Variants in IQGAP2 observed in about 807,000 individuals in gnomAD.
IQGAP2 encodes the protein ras GTPase-activating-like protein IQGAP2.
A neutral mutation model predicts 201.3 loss-of-function variants in IQGAP2; 173 were observed. That is an observed-to-expected ratio of 0.86 (90% CI 0.76 to 0.98). The LOEUF is 0.98. Ranked by LOEUF, IQGAP2 falls within the 50% of genes least tolerant of loss-of-function variation. The pLI is 0.00. For missense variants in IQGAP2, 1,687 were observed against 1,864.8 expected (o/e 0.90, Z 1.76); for synonymous variants, 675 against 673.9 (o/e 1.00, Z -0.03).
At chr5:76,597,684 A>T in intron 10 of IQGAP2, 82 bp downstream of exon 10, 6 of 1,436,950 alleles carry the variant, frequency 4.2e-6, no homozygotes, top group Non-Finnish European at 5.8e-6. Flanking sequence ...AGGAAAGGGG[A>T]ATAGGGATCG....
At chr5:76,488,945 A>G (rs1027997670) in intron 2 of IQGAP2, among the ~76,000 whole-genome samples, 2 of 152,216 alleles carry the variant, frequency 1.3e-5, no homozygotes, top group Non-Finnish European at 2.9e-5. Context: ...CCCCCACAGC[A>G]GTCCTGTGAT....
chr5:76,580,463 CA>C (rs1745771026), intron 5 of IQGAP2, among the ~76,000 whole-genome samples: 1 of 152,066 alleles, frequency 6.6e-6, no homozygotes, highest in Non-Finnish European at 1.5e-5. Flanking sequence ...ACAAAACAAA[CA>C]AACAAAAAAC....
intron 2 of IQGAP2, among the ~76,000 whole-genome samples, chr5:76,543,771 G>A (rs2150223301): frequency 6.6e-6 from 1 of 152,098 alleles, no homozygotes; most frequent in East Asian, 1.9e-4. Context: ...CCTCCTAAAA[G>A]CTCCACTTGT....
intron 2 of IQGAP2, among the ~76,000 whole-genome samples, chr5:76,532,899 C>T (rs1314159555): frequency 6.6e-6 from 1 of 152,198 alleles, no homozygotes; most frequent in Non-Finnish European, 1.5e-5. Context: ...TGTTCCAGGT[C>T]CCCAGAGAAG....
chr5:76,439,171 T>A (rs2150102178), intron 1 of IQGAP2, among the ~76,000 whole-genome samples: 1 of 152,358 alleles, frequency 6.6e-6, no homozygotes, highest in East Asian at 1.9e-4. Flanking sequence ...TGAAGGTTAC[T>A]TTTGGAGTTG....
chr5:76,452,699 C>T (rs990959385), intron 1 of IQGAP2, among the ~76,000 whole-genome samples: 1 of 152,112 alleles, frequency 6.6e-6, no homozygotes, highest in Non-Finnish European at 1.5e-5. Flanking sequence ...AGCCTAATGG[C>T]TGCTGATGTC....
At chr5:76,533,641 T>C (rs912515510) in intron 2 of IQGAP2, among the ~76,000 whole-genome samples, 1 of 152,034 alleles carries the variant, frequency 6.6e-6, no homozygotes, top group African/African-American at 2.4e-5. Context: ...CCTGGGTTCA[T>C]GCCATTCTCC....
chr5:76,694,906 G>C (rs952452689), intron 31 of IQGAP2, among the ~76,000 whole-genome samples: 2 of 152,168 alleles, frequency 1.3e-5, no homozygotes, highest in Non-Finnish European at 2.9e-5. Context: ...TAATGTGCTA[G>C]AATATTCTTA....
intron 11 of IQGAP2, among the ~76,000 whole-genome samples, chr5:76,602,686 C>T (rs1404995806): frequency 1.3e-5 from 2 of 152,082 alleles, no homozygotes; most frequent in Non-Finnish European, 2.9e-5. Context: ...GTATTGGCCC[C>T]AAATGATCTT....
intron 1 of IQGAP2, among the ~76,000 whole-genome samples, chr5:76,425,406 A>G (rs913718605): frequency 2.6e-5 from 4 of 152,238 alleles, no homozygotes; most frequent in Non-Finnish European, 5.9e-5. Flanking sequence ...TTGCCATTGC[A>G]GAACCACGGA....
At chr5:76,661,465 C>T (rs1269497889) in intron 21 of IQGAP2, among the ~76,000 whole-genome samples, 1 of 152,088 alleles carries the variant, frequency 6.6e-6, no homozygotes, top group East Asian at 1.9e-4. Flanking sequence ...CTAAAATTCC[C>T]ATTCATGAGT....
chr5:76,574,528 CA>C (rs1165896400), intron 4 of IQGAP2, among the ~76,000 whole-genome samples: 1 of 152,224 alleles, frequency 6.6e-6, no homozygotes, highest in Non-Finnish European at 1.5e-5. Flanking sequence ...CTCAGCCTCC[CA>C]AAGTGTTGGG....
rs1746066460 is a variant in IQGAP2, at chr5:76,584,017, C to T, written c.459-4889C>T. Among the ~76,000 whole-genome samples the T allele has an allele frequency of 3.3e-5, 5 of 152,076 alleles. No homozygotes were observed. In the South Asian group the frequency reaches 1.0e-3, roughly 32 times the overall value. The stretch of plus-strand genomic sequence containing the variant: ...CCTCCCTAGTAGCTGGGATTACAGG[C>T]GTGTGCCACCGTGCCCAGATAATTT... On this transcript the variant is annotated intron_variant, in intron 5 of 35. Transcript: ENST00000274364.
chr5:76,464,191 G>C (rs1247966515), intron 2 of IQGAP2, among the ~76,000 whole-genome samples: 1 of 152,092 alleles, frequency 6.6e-6, no homozygotes, highest in Non-Finnish European at 1.5e-5. Flanking sequence ...TTTGGTCATG[G>C]ATTATATAAA....
At chr5:76,592,244 A>G (rs1432035567) in intron 8 of IQGAP2, among the ~76,000 whole-genome samples, 1 of 152,168 alleles carries the variant, frequency 6.6e-6, no homozygotes, top group Non-Finnish European at 1.5e-5. Flanking sequence ...CTTAGCCTTC[A>G]GCTGACCCCC....
In IQGAP2 at chr5:76,674,591, A is replaced by T; in HGVS notation, c.3409A>T (p.Asn1137Tyr). The T allele has an allele frequency of 1.2e-6, 2 of 1,614,142 alleles. No homozygotes were observed. The highest frequency in any genetic ancestry group is 1.7e-6 in the Non-Finnish European group (2 of 1,180,008). The change falls in exon 27 of 36, where the codon AAC (asparagine) becomes TAC (tyrosine). Residue 1137 changes from asparagine (N) to tyrosine (Y), a missense_variant. By Grantham distance (143) the Asn-to-Tyr change is moderately radical. Coordinates refer to ENST00000274364, the MANE Select transcript of IQGAP2 (RefSeq NM_006633.5). Reference protein sequence around the residue: ...GGQINSDQRRNLGSVAKVLQH... With the variant: ...GGQINSDQRRYLGSVAKVLQH... ...TCAGATAAATTCTGACCAAAGGAGA[A>T]ACTTAGGATCAGTGGCCAAGGTTCT...
intron 34 of IQGAP2, 139 bp from the exon 35 acceptor site, chr5:76,702,343 A>G: frequency 1.7e-6 from 1 of 578,018 alleles, no homozygotes; most frequent in South Asian, 2.2e-5. Context: ...AGATGACGTG[A>G]GGTTTTTGGT....
intron 9 of IQGAP2, among the ~76,000 whole-genome samples, chr5:76,593,267 G>C (rs1746783279): frequency 6.6e-6 from 1 of 152,160 alleles, no homozygotes; most frequent in Non-Finnish European, 1.5e-5. Flanking sequence ...GCTTGCCCAT[G>C]ATTATGCGAT....
chr5:76,523,314 C>A (rs1414376059), intron 2 of IQGAP2, among the ~76,000 whole-genome samples: 1 of 151,940 alleles, frequency 6.6e-6, no homozygotes, highest in African/African-American at 2.4e-5. Flanking sequence ...TGTTCTTGAA[C>A]TCCTAGGCTC....
Sources: allele counts gnomAD v4.1 joint callset (sites outside exome capture counted in the v4.1 genomes callset), GRCh38; gene constraint gnomAD v4.1.1; transcripts MANE v1.5; gene names NCBI Gene and HGNC (gene_info 2026-07-23, HGNC 2026-07-21).